SLC4A11: variants seen among roughly 807,000 people sequenced by gnomAD.
The protein encoded by SLC4A11 is solute carrier family 4 member 11, also known as bicarbonate transporter related protein 1.
SLC4A11 carries 74 observed loss-of-function variants against 95.0 expected under a neutral mutation model. The ratio of observed to expected loss-of-function variants is 0.78; its 90% CI spans 0.65 to 0.95. SLC4A11 has a LOEUF of 0.95. Among genes scored for constraint, SLC4A11 ranks in the 40% least tolerant of loss-of-function variants. The probability of loss-of-function intolerance (pLI) is 0.00; values close to 1 mark genes in which losing one functional copy is unlikely to be tolerated. For missense variants in SLC4A11, 1,081 were observed against 1,192.4 expected, an observed-to-expected ratio of 0.91 and a Z score of 1.38; for synonymous variants, 548 against 519.0, an observed-to-expected ratio of 1.06 and a Z score of -0.76.
intron 12 of SLC4A11, 122 bp downstream of exon 12, chr20:3,230,393 G>A (rs1309070095): frequency 6.3e-7 from 1 of 1,581,438 alleles, no homozygotes; most frequent in Non-Finnish European, 8.7e-7. Flanking sequence ...CCTTGCCTGA[G>A]CCCACCCCAG....
At chr20:3,235,307 TCTCACACACACA>T (rs1279490972) in intron 2 of SLC4A11, among the ~76,000 whole-genome samples, 20 of 110,980 alleles carry the variant, frequency 1.8e-4, no homozygotes, top group East Asian at 6.5e-4. Flanking sequence ...TCTCTCTCTC[TCTCACACACACA>T]CACACACACA....
chr20:3,231,622 TC>T lies in SLC4A11; in HGVS notation c.730-75del. The T allele has an allele frequency of 7.1e-7, 1 of 1,407,006 alleles. No individual in the cohort carries two copies. The highest frequency in any genetic ancestry group is 1.0e-6 in the Non-Finnish European group (1 of 996,096). 87.2% of individuals were successfully genotyped at this position (1,407,006 alleles called of 1,614,324 possible). On this transcript the variant is annotated intron_variant, in intron 7 of 19. Coordinates refer to ENST00000642402, the MANE Select transcript of SLC4A11 (RefSeq NM_001174089.2). This position sits in a 1 kb window ranked among gnomAD's most constrained non-coding sequence, Gnocchi z 5.2. ...CCGGGCCGAGCAGGTGAAGGTGCTC[TC>T]CCCATGAACTGGCAGCAGGTTTTTT...
At position 3,231,427 on chromosome 20, in the gene SLC4A11, T is replaced by C; in HGVS notation, c.851A>G (p.His284Arg). Residue 284 changes from histidine to arginine, a missense_variant, in exon 8 of 20, where the codon CAT (histidine) becomes CGT (arginine). His to Arg is a conservative substitution (Grantham distance 29). Coordinates refer to ENST00000642402, the MANE Select transcript of SLC4A11 (RefSeq NM_001174089.2). The surrounding 1 kb of genome is among the most constrained non-coding windows in gnomAD (Gnocchi z 5.2). ...TEEEFKEALVHQRQLLTMVSH... is the reference protein window; with the variant it reads ...TEEEFKEALVRQRQLLTMVSH... ...CACCATGGTGAGCAGCTGTCTCTGA[T>C]GCACCAAGGCCTCCTTGAATTCCTC... 1 of 1,614,098 alleles carries C rather than the reference T, an allele frequency of 6.2e-7. No individual in the cohort carries two copies. The highest frequency in any genetic ancestry group is 1.1e-5 in the South Asian group (1 of 91,086).
chr20:3,228,775 T>A, intron 17 of SLC4A11, 63 bp downstream of exon 17: 1 of 1,612,616 alleles, frequency 6.2e-7, no homozygotes. Flanking sequence ...CCTCCCTATG[T>A]CCCATGTGGC....
chr20:3,229,415 C>T lies in SLC4A11; in HGVS notation c.1780G>A (p.Asp594Asn), dbSNP rs750085120. 1.9e-6 allele frequency: 3 copies of T among 1,613,274 alleles called. No homozygotes were observed. Among genetic ancestry groups the T allele is most frequent in the Admixed American group, 1.7e-5 (1 of 60,032 alleles). The change falls in exon 15 of 20, where the codon GAC becomes AAC. Residue 594 changes from aspartate (D) to asparagine (N), a missense_variant. Physicochemically the swap from Asp to Asn is conservative, Grantham distance 23. Around this residue, in one of 3 missense-constraint regions of SLC4A11, gnomAD observed 767 missense variants for 858.0 expected, o/e 0.89. Coordinates refer to ENST00000642402, the MANE Select transcript of SLC4A11 (RefSeq NM_001174089.2). ...LHPCVREILS[D>N]CALPIAVLAF... Reference sequence around the variant, plus strand: ...AGCACCGCGATGGGCAGGGCGCAGTCGGACAGGATCTCTCGCACGCAGGGG... The same window carrying T: ...AGCACCGCGATGGGCAGGGCGCAGTTGGACAGGATCTCTCGCACGCAGGGG...
intron 2 of SLC4A11, among the ~76,000 whole-genome samples, chr20:3,235,885 G>A (rs986398616): frequency 6.6e-6 from 1 of 152,000 alleles, no homozygotes; most frequent in Non-Finnish European, 1.5e-5. Context: ...CCTCCCTGGA[G>A]GGCCTTTTTC....
At chr20:3,236,035 C>T (rs2067971097) in intron 2 of SLC4A11, among the ~76,000 whole-genome samples, 2 of 152,170 alleles carry the variant, frequency 1.3e-5, no homozygotes, top group East Asian at 1.9e-4. Flanking sequence ...GCCCTTATAG[C>T]CCAGACCCCA....
At chr20:3,238,992 G>T in intron 1 of SLC4A11, 103 bp downstream of exon 1, 1 of 1,363,846 alleles carries the variant, frequency 7.3e-7, no homozygotes, top group Non-Finnish European at 9.5e-7. Context: ...GCCCCGGCCC[G>T]CGCAGGCAGA....
At chr20:3,233,871 A>C (rs908383596) in intron 6 of SLC4A11, 50 bp downstream of exon 6, 10 of 1,594,318 alleles carry the variant, frequency 6.3e-6, no homozygotes, top group African/African-American at 1.3e-5. Context: ...GACATGGGAC[A>C]CCCAGTTCCA....
At chr20:3,233,238 G>A (rs924318090) in intron 7 of SLC4A11, among the ~76,000 whole-genome samples, 6 of 152,180 alleles carry the variant, frequency 3.9e-5, no homozygotes, top group Admixed American at 6.5e-5. Flanking sequence ...AAGGGCTGGC[G>A]GGCGGGCAGG....
chr20:3,237,807 C>T, intron 1 of SLC4A11: 1 of 1,586,642 alleles, frequency 6.3e-7, no homozygotes, highest in Non-Finnish European at 8.6e-7. Context: ...ATTGCTTAGC[C>T]CATCTGCTAG....
chr20:3,228,577 T>C lies in SLC4A11; in HGVS notation c.2323A>G (p.Ile775Val), dbSNP rs1218966666. 9 of 1,613,024 alleles carry C rather than the reference T, an allele frequency of 5.6e-6. No individual in the cohort carries two copies. The highest frequency in any genetic ancestry group is 1.7e-5 in the Admixed American group (1 of 59,998). Residue 775 changes from isoleucine (I) to valine (V), a missense_variant, in exon 18 of 20, where the codon ATC becomes GTC. Physicochemically the swap from Ile to Val is conservative, Grantham distance 29. Coordinates refer to ENST00000642402, the MANE Select transcript of SLC4A11 (RefSeq NM_001174089.2). ...TTGCCATCGAGGGAGGTGAGCGCGATGTAGAGGAAGAGGCCATAGAGCACG... is the reference window on the plus strand; with the variant it reads ...TTGCCATCGAGGGAGGTGAGCGCGACGTAGAGGAAGAGGCCATAGAGCACG... Reference protein sequence around the residue: ...KPVLYGLFLYIALTSLDGNQL... With the variant: ...KPVLYGLFLYVALTSLDGNQL...
At chr20:3,238,983 C>T (rs998324301) in intron 1 of SLC4A11, 112 bp downstream of exon 1, 7 of 1,347,596 alleles carry the variant, frequency 5.2e-6, no homozygotes, top group Non-Finnish European at 5.7e-6. Context: ...CGCCCACCGG[C>T]CCCGGCCCGC....
chr20:3,234,426 C>CAGCCCCT lies in SLC4A11; in HGVS notation c.292-113_292-112insAGGGGCT, dbSNP rs2067899573. 6.6e-7 allele frequency: 1 copy of CAGCCCCT among 1,505,930 alleles called. No homozygotes were observed. The highest frequency in any genetic ancestry group is 9.2e-7 in the Non-Finnish European group (1 of 1,088,246). 93.3% of individuals were successfully genotyped at this position (1,505,930 alleles called of 1,614,324 possible). The stretch of plus-strand genomic sequence containing the variant: ...AGTCCAGCCCCCAGCCCCCAGCCCC[C>CAGCCCCT]AGCCCTGGGCTGGTGCGAGCTCCCT... On this transcript the variant is annotated intron_variant, in intron 4 of 19. Transcript: ENST00000642402. This position sits in a 1 kb window ranked among gnomAD's most constrained non-coding sequence, Gnocchi z 5.8.
Position 3,231,146 on chromosome 20 carries a change from T to A in SLC4A11, c.1042+3A>T. 6.2e-7 allele frequency: 1 copy of A among 1,614,160 alleles called. No homozygotes were observed. Among genetic ancestry groups the A allele is most frequent in the Non-Finnish European group, 8.5e-7 (1 of 1,180,030 alleles). On this transcript the variant is annotated splice_donor_region_variant and intron_variant, in intron 9 of 19. Coordinates refer to ENST00000642402, the MANE Select transcript of SLC4A11 (RefSeq NM_001174089.2). The surrounding 1 kb of genome is among the most constrained non-coding windows in gnomAD (Gnocchi z 5.2). ...CAAGGCCTGGAAAGCAGAGGCCACGTACCATCAGTGAAGTCCAAGGGGTAC... is the reference window on the plus strand; with the variant it reads ...CAAGGCCTGGAAAGCAGAGGCCACGAACCATCAGTGAAGTCCAAGGGGTAC...
chr20:3,231,311 G>T lies in SLC4A11; in HGVS notation c.948+19C>A, dbSNP rs1409824372. ...GCCCCCGCCGACCCTGCCGGCCCCC[G>T]CCGGCCTCTACCCTGTACCTCTGGG... On this transcript the variant is annotated intron_variant, in intron 8 of 19. Coordinates refer to ENST00000642402, the MANE Select transcript of SLC4A11 (RefSeq NM_001174089.2). This position sits in a 1 kb window ranked among gnomAD's most constrained non-coding sequence, Gnocchi z 5.2. 1 of 1,613,578 alleles carries T rather than the reference G, an allele frequency of 6.2e-7. No homozygotes were observed. Among genetic ancestry groups the T allele is most frequent in the East Asian group, 2.2e-5 (1 of 44,864 alleles).
In SLC4A11 at chr20:3,228,849, G is replaced by A. The variant is rs754639659; in HGVS notation, c.2181C>T (p.His727=). ...ALVEERVENG[H]IYDTIVNVKE... ...AGCCTCACACTCACGTGTCATAGAT[G>A]TGTCCGTTCTCCACACGCTCCTCCA... The change falls in exon 17 of 20, where the codon CAC becomes CAT. Residue 727 remains histidine (H), a synonymous_variant. Transcript: ENST00000642402. 2 of 1,613,828 alleles carry A rather than the reference G, an allele frequency of 1.2e-6. No homozygotes were observed. The highest frequency in any genetic ancestry group is 1.7e-5 in the Admixed American group (1 of 60,006).
rs541680110 is a variant in SLC4A11, at chr20:3,231,670, T to C, written c.730-122A>G. The C allele has an allele frequency of 6.5e-5, 59 of 905,812 alleles. No individual in the cohort carries two copies. Among genetic ancestry groups the C allele is most frequent in the African/African-American group, 4.3e-4 (26 of 60,340 alleles). The allele number at this position is 905,812 out of a possible 1,614,324, so 56.1% of individuals were successfully genotyped here. A position where few individuals can be genotyped will look rare whatever the true frequency, so the allele number is the denominator to read the frequency against. On this transcript the variant is annotated intron_variant, in intron 7 of 19. Transcript: ENST00000642402. The surrounding 1 kb of genome is among the most constrained non-coding windows in gnomAD (Gnocchi z 5.2). ...TTTTGTCTGTTTGTTTTTTGTGTTT[T>C]TTTGAGACAGGGTCTCACTGTCACC...
intron 7 of SLC4A11, among the ~76,000 whole-genome samples, chr20:3,232,041 T>C (rs2067799581): frequency 6.6e-6 from 1 of 152,212 alleles, no homozygotes; most frequent in Admixed American, 6.5e-5. Flanking sequence ...TCACCGCAAC[T>C]ACCATCGATC....
Sources: allele counts gnomAD v4.1 joint callset (sites outside exome capture counted in the v4.1 genomes callset), GRCh38; gene constraint gnomAD v4.1.1; regional missense constraint gnomAD v4.1.1; non-coding constraint Gnocchi (gnomAD v3.1); transcripts MANE v1.5; gene names NCBI Gene and HGNC (gene_info 2026-07-23, HGNC 2026-07-21).